Variants in NUBPL observed in about 807,000 individuals in gnomAD.
NUBPL encodes iron-sulfur cluster transfer protein NUBPL.
A neutral mutation model predicts 45.7 loss-of-function variants in NUBPL; 31 were observed. That is an observed-to-expected ratio of 0.68 (90% confidence interval 0.51 to 0.92). The LOEUF is 0.92. NUBPL is among the 40% of genes least tolerant of loss of function. The pLI is 0.00. For missense variants in NUBPL, 401 were observed against 398.7 expected (o/e 1.01, Z -0.05); for synonymous variants, 144 against 140.9 (o/e 1.02, Z -0.15).
intron 6 of NUBPL, among the ~76,000 whole-genome samples, chr14:31,759,701 T>C (rs1006816404): frequency 6.6e-6 from 1 of 151,354 alleles, no homozygotes; most frequent in Non-Finnish European, 1.5e-5. Context: ...ATTTTGATTC[T>C]TTCTTGGGGT....
At chr14:31,636,097 A>C (rs1294962457) in intron 4 of NUBPL, among the ~76,000 whole-genome samples, 1 of 151,658 alleles carries the variant, frequency 6.6e-6, no homozygotes, top group Non-Finnish European at 1.5e-5. Flanking sequence ...TCTCCTGCCT[A>C]ATTGCCCTGG....
intron 4 of NUBPL, among the ~76,000 whole-genome samples, chr14:31,651,004 A>G (rs2035988686): frequency 6.6e-6 from 1 of 152,234 alleles, no homozygotes; most frequent in African/African-American, 2.4e-5. Context: ...CAAGCCATTC[A>G]TGAGGGATCT....
intron 4 of NUBPL, among the ~76,000 whole-genome samples, chr14:31,638,865 A>G (rs1177156179): frequency 6.6e-6 from 1 of 152,066 alleles, no homozygotes; most frequent in Non-Finnish European, 1.5e-5. Context: ...CCTTTCTTCC[A>G]GTTGATCGGA....
chr14:31,684,560 G>A (rs891221822), intron 6 of NUBPL, among the ~76,000 whole-genome samples: 1 of 152,056 alleles, frequency 6.6e-6, no homozygotes, highest in Non-Finnish European at 1.5e-5. Context: ...GGTGGTTCAT[G>A]TTGTTAAGGA....
chr14:31,849,395 C>A (rs2040504203), intron 9 of NUBPL, among the ~76,000 whole-genome samples: 1 of 152,116 alleles, frequency 6.6e-6, no homozygotes, highest in African/African-American at 2.4e-5. Context: ...TGATAGTGTG[C>A]TGGAAAGAGT....
At chr14:31,814,567 T>A (rs12590257) in intron 7 of NUBPL, among the ~76,000 whole-genome samples, 54,773 of 152,022 alleles carry the variant, frequency 0.36, 12,034 homozygotes, top group East Asian at 0.61. Context: ...ATTGGCTTTT[T>A]TTTTTGCCAT....
At chr14:31,662,931 AT>A (rs1237796356) in intron 4 of NUBPL, among the ~76,000 whole-genome samples, 3 of 152,220 alleles carry the variant, frequency 2.0e-5, no homozygotes, top group Non-Finnish European at 4.4e-5. Flanking sequence ...AATGATCGCC[AT>A]TCTAACTCAC....
At chr14:31,826,895 T>C (rs1239908043) in intron 8 of NUBPL, among the ~76,000 whole-genome samples, 181 bp downstream of exon 8, 1 of 152,216 alleles carries the variant, frequency 6.6e-6, no homozygotes, top group Non-Finnish European at 1.5e-5. Context: ...CTATACATGA[T>C]ATTAATCCAT....
At chr14:31,718,974 G>A (rs368272436) in intron 6 of NUBPL, among the ~76,000 whole-genome samples, 2 of 152,070 alleles carry the variant, frequency 1.3e-5, no homozygotes, top group East Asian at 3.8e-4. Flanking sequence ...TTAACCCATC[G>A]TTAAGTTGAA....
chr14:31,771,890 A>C, intron 6 of NUBPL: 1 of 985,304 alleles, frequency 1.0e-6, no homozygotes, highest in Non-Finnish European at 1.2e-6. Flanking sequence ...GGAACTGAGG[A>C]ATAAACTTGG....
chr14:31,762,080 G>C (rs1012340453), intron 6 of NUBPL, among the ~76,000 whole-genome samples: 5 of 152,166 alleles, frequency 3.3e-5, no homozygotes, highest in Non-Finnish European at 5.9e-5. Flanking sequence ...TTGAATTGTT[G>C]CTATAGCTAG....
At chr14:31,745,998 C>T (rs761059821) in intron 6 of NUBPL, among the ~76,000 whole-genome samples, 4 of 152,014 alleles carry the variant, frequency 2.6e-5, no homozygotes, top group South Asian at 2.1e-4. Context: ...GATGCTGGGG[C>T]GGACTCTCTT....
At chr14:31,740,481 C>T (rs2038259993) in intron 6 of NUBPL, among the ~76,000 whole-genome samples, 1 of 152,076 alleles carries the variant, frequency 6.6e-6, no homozygotes, top group Non-Finnish European at 1.5e-5. Flanking sequence ...GGTCTTTGGC[C>T]AATTTTTAAA....
At chr14:31,712,450 C>G (rs966471508) in intron 6 of NUBPL, among the ~76,000 whole-genome samples, 4 of 152,226 alleles carry the variant, frequency 2.6e-5, no homozygotes, top group Non-Finnish European at 5.9e-5. Context: ...TGGAGCCGTG[C>G]CCACCCAGAA....
At chr14:31,611,530 C>T (rs1566446565) in intron 4 of NUBPL, among the ~76,000 whole-genome samples, 1 of 152,154 alleles carries the variant, frequency 6.6e-6, no homozygotes, top group Non-Finnish European at 1.5e-5. Flanking sequence ...CAATCCCTAT[C>T]AAAATACCAA....
chr14:31,703,095 T>C (rs1024316987), intron 6 of NUBPL: 9 of 152,354 alleles, frequency 5.9e-5, no homozygotes, highest in African/African-American at 1.9e-4. Flanking sequence ...CTAATACTTA[T>C]ATTCTTATAT....
At chr14:31,709,788 A>T (rs2037530558) in intron 6 of NUBPL, among the ~76,000 whole-genome samples, 4 of 152,162 alleles carry the variant, frequency 2.6e-5, no homozygotes, top group Non-Finnish European at 4.4e-5. Context: ...CATAACCGAT[A>T]GCCCAGGGGT....
At chr14:31,854,449 G>A (rs929963457) in intron 10 of NUBPL, among the ~76,000 whole-genome samples, 2 of 152,104 alleles carry the variant, frequency 1.3e-5, no homozygotes, top group Non-Finnish European at 2.9e-5. Flanking sequence ...TTATTCCTCA[G>A]GTGGGAACAG....
At chr14:31,577,828 C>G (rs2033755833) in intron 3 of NUBPL, 2 of 259,480 alleles carry the variant, frequency 7.7e-6, no homozygotes, top group South Asian at 2.9e-4. Context: ...CAGCTCCTGT[C>G]ATCCTTCAGG....
Sources: gnomAD v4.1 joint callset for allele counts (sites outside exome capture counted in the v4.1 genomes callset) on GRCh38, gnomAD v4.1.1 for gene constraint, MANE v1.5 for transcripts, NCBI Gene and HGNC (gene_info 2026-07-23, HGNC 2026-07-21) for gene names.